NINJ2: variants seen among roughly 807,000 people sequenced by gnomAD.
The protein encoded by NINJ2 is ninjurin-2.
In NINJ2, 12 loss-of-function variants were observed where a neutral mutation model predicts 11.7. The observed-to-expected ratio is 1.02, with a 90% CI of 0.66 to 1.66. The LOEUF (loss-of-function observed/expected upper bound fraction) is 1.66. Ranked by LOEUF, NINJ2 falls within the 40% of genes most tolerant of loss-of-function variation. The probability of loss-of-function intolerance (pLI) is 0.00; values close to 1 mark genes in which losing one functional copy is unlikely to be tolerated. For missense variants in NINJ2, 187 were observed against 181.8 expected (o/e 1.03, Z -0.16); for synonymous variants, 93 against 76.8 (o/e 1.21, Z -1.10).
intron 1 of NINJ2, among the ~76,000 whole-genome samples, chr12:572,112 A>G (rs987126833): frequency 2.6e-5 from 4 of 152,242 alleles, no homozygotes; most frequent in Admixed American, 1.3e-4. Context: ...ATCATCTGCG[A>G]GGTCGAAGGG....
intron 1 of NINJ2, among the ~76,000 whole-genome samples, chr12:573,983 C>T (rs1268226636): frequency 1.3e-5 from 2 of 152,160 alleles, no homozygotes; most frequent in African/African-American, 4.8e-5. Context: ...CCTGTAATCC[C>T]AGCAGTTTGG....
rs532672514 is a variant in NINJ2 at position 621,788 on chromosome 12, G to A, written c.33+41540C>T. On this transcript the variant is annotated intron_variant, in intron 1 of 3. Transcript: ENST00000305108. ...GCCAAGATTGCGCCACTGCACTCCAGCCTGGTGACAGAGTGAGACTCCGTC... is the reference window on the plus strand; with the variant it reads ...GCCAAGATTGCGCCACTGCACTCCAACCTGGTGACAGAGTGAGACTCCGTC... Among the ~76,000 whole-genome samples, 156 of 143,696 alleles carry A rather than the reference G, an allele frequency of 1.1e-3. 1 individual carries two copies. The highest frequency in any genetic ancestry group is 3.6e-3 in the Admixed American group (49 of 13,788). 94.3% of individuals were successfully genotyped at this position (143,696 alleles called of 152,430 possible). A position where few individuals can be genotyped will look rare whatever the true frequency, so the allele number is the denominator to read the frequency against.
intron 1 of NINJ2, among the ~76,000 whole-genome samples, chr12:570,091 C>T (rs1244388359): frequency 6.6e-6 from 1 of 152,236 alleles, no homozygotes. Context: ...CGAACTAAAA[C>T]CCACCAAACG....
Position 663,156 on chromosome 12 carries a change from CAG to C in NINJ2, c.33+170_33+171del, listed in dbSNP as rs1339610624. 3.9e-5 allele frequency among the ~76,000 whole-genome samples: 6 copies of C among 152,168 alleles called. No individual in the cohort carries two copies. The East Asian group carries it at 9.6e-4, about 24-fold the overall frequency. On this transcript the variant is annotated intron_variant, in intron 1 of 3. Transcript: ENST00000305108. ...ACAAGTGAAGAACCAGATAGGGAAA[CAG>C]AGAGAAAGAGAAAATAAAGAGACAA...
intron 1 of NINJ2, among the ~76,000 whole-genome samples, chr12:577,448 T>TATACATATATATGTATATATATATATACA: frequency 7.0e-6 from 1 of 141,942 alleles, no homozygotes; most frequent in Admixed American, 7.2e-5. Context: ...TATATAAATA[T>TATACATATATATGTATATATATATATACA]TTTGGCACGA....
At chr12:584,181 T>C (rs1182731249) in intron 1 of NINJ2, among the ~76,000 whole-genome samples, 1 of 152,232 alleles carries the variant, frequency 6.6e-6, no homozygotes, top group South Asian at 2.1e-4. Flanking sequence ...GTAAAGTTCT[T>C]TGCAAATGTA....
At chr12:658,091 C>A (rs1325604626) in intron 1 of NINJ2, among the ~76,000 whole-genome samples, 1 of 149,678 alleles carries the variant, frequency 6.7e-6, no homozygotes, top group African/African-American at 2.5e-5. Context: ...CTCCGCCTCC[C>A]GGGTTCAAGC....
At chr12:565,540 C>T (rs77250292) in intron 2 of NINJ2, 139 bp from the exon 3 acceptor site, 38,885 of 894,932 alleles carry the variant, frequency 0.043, 1,930 homozygotes, top group Admixed American at 0.18. Flanking sequence ...TGGTCGTCAT[C>T]GGGCTGAGAT....
chr12:610,853 C>A (rs1372251012), intron 1 of NINJ2, among the ~76,000 whole-genome samples: 1 of 151,430 alleles, frequency 6.6e-6, no homozygotes, highest in East Asian at 2.0e-4. Flanking sequence ...CCTGCCTCAG[C>A]CTCCCAAGTA....
At chr12:645,299 C>T (rs540292070) in intron 1 of NINJ2, 1 of 152,200 alleles carries the variant, frequency 6.6e-6, no homozygotes, top group East Asian at 1.9e-4. Context: ...CTTCTCTGGG[C>T]CTTGGATTCC....
chr12:612,519 C>T (rs990947882), intron 1 of NINJ2, among the ~76,000 whole-genome samples: 4 of 152,140 alleles, frequency 2.6e-5, no homozygotes, highest in African/African-American at 9.7e-5. Context: ...TCAACCTCCA[C>T]GGACTACATG....
chr12:598,211 C>T (rs17800774), intron 1 of NINJ2, among the ~76,000 whole-genome samples: 2,381 of 152,312 alleles, frequency 0.016, 35 homozygotes, highest in Middle Eastern at 0.037. Context: ...CACCCTGTTT[C>T]TGGTATGCGC....
intron 1 of NINJ2, among the ~76,000 whole-genome samples, chr12:567,332 G>C (rs557107878): frequency 6.6e-6 from 1 of 152,290 alleles, no homozygotes; most frequent in East Asian, 1.9e-4. Context: ...GGGACAGATG[G>C]ATGGATAGAT....
At chr12:574,404 A>G (rs1038421087) in intron 1 of NINJ2, among the ~76,000 whole-genome samples, 1 of 152,198 alleles carries the variant, frequency 6.6e-6, no homozygotes, top group African/African-American at 2.4e-5. Context: ...TGTGCCCCCT[A>G]AAGTTTATGG....
intron 1 of NINJ2, among the ~76,000 whole-genome samples, chr12:605,150 A>G (rs945832116): frequency 2.0e-5 from 3 of 152,186 alleles, no homozygotes; most frequent in African/African-American, 7.2e-5. Flanking sequence ...GACCACGTAC[A>G]TGTCCCTGAC....
chr12:628,771 T>C lies in NINJ2; in HGVS notation c.33+34557A>G, dbSNP rs1486351901. Reference sequence around the variant, plus strand: ...AGATGGCAATGAAAGTGACCACTGGTTGTCCTCACTGCTCAGTATATGCCA... The same window carrying C: ...AGATGGCAATGAAAGTGACCACTGGCTGTCCTCACTGCTCAGTATATGCCA... On this transcript the variant is annotated intron_variant, in intron 1 of 3. Coordinates refer to ENST00000305108, the MANE Select transcript of NINJ2 (RefSeq NM_016533.6). The surrounding 1 kb of genome is among the most constrained non-coding windows in gnomAD (Gnocchi z 4.4). 2.0e-5 allele frequency among the ~76,000 whole-genome samples: 3 copies of C among 152,158 alleles called. No homozygotes were observed. Among genetic ancestry groups the C allele is most frequent in the Non-Finnish European group, 4.4e-5 (3 of 68,032 alleles).
intron 1 of NINJ2, chr12:586,163 CA>C (rs1401090878): frequency 6.6e-6 from 1 of 152,250 alleles, no homozygotes; most frequent in Non-Finnish European, 1.5e-5. Context: ...TTCAAGATGG[CA>C]AAAGCAGAGA....
chr12:566,391 T>A (rs1020663839), intron 1 of NINJ2, among the ~76,000 whole-genome samples: 2 of 152,200 alleles, frequency 1.3e-5, no homozygotes, highest in Non-Finnish European at 2.9e-5. Flanking sequence ...TCTGTTGCAG[T>A]TGATACTTCC....
chr12:603,578 C>T (rs542164393), intron 1 of NINJ2, among the ~76,000 whole-genome samples: 51 of 151,944 alleles, frequency 3.4e-4, no homozygotes, highest in African/African-American at 1.2e-3. Context: ...AATTTTTGCA[C>T]ATGGTATGAG....
Sources: gnomAD v4.1 joint callset for allele counts (sites outside exome capture counted in the v4.1 genomes callset) on GRCh38, gnomAD v4.1.1 for gene constraint, Gnocchi (gnomAD v3.1) non-coding constraint, MANE v1.5 for transcripts, NCBI Gene and HGNC (gene_info 2026-07-23, HGNC 2026-07-21) for gene names.